Variants in SLC8A1 observed in about 807,000 individuals in gnomAD.
SLC8A1 encodes solute carrier family 8 member A1.
Under a neutral mutation model 68.3 loss-of-function variants are expected in SLC8A1, and 18 were observed. The observed-to-expected ratio is 0.26, with a 90% CI of 0.18 to 0.39. The LOEUF is 0.39. Among genes scored for constraint, SLC8A1 ranks in the 10% least tolerant of loss-of-function variants. The pLI, the probability that SLC8A1 is intolerant of heterozygous loss-of-function variation, is 1.00. For synonymous variants in SLC8A1, 475 were observed against 415.5 expected (o/e 1.14, Z -1.74); for missense variants, 985 against 1,156.7 (o/e 0.85, Z 2.15).
chr2:40,379,166 C>G (rs1202499986), intron 2 of SLC8A1, among the ~76,000 whole-genome samples: 1 of 152,076 alleles, frequency 6.6e-6, no homozygotes, highest in African/African-American at 2.4e-5. Flanking sequence ...ACTTGGAAAG[C>G]TTGTTAAAAC....
rs77132023 is a variant in SLC8A1 at position 40,326,385 on chromosome 2, T to A, written c.1808+102088A>T. On this transcript the variant is annotated intron_variant, in intron 2 of 7. Transcript: ENST00000406785. ...AGATTAGAGGAAAGATCAAAAATAG[T>A]CATAGCTTTTGAAACCACAGTGCTT... Among the ~76,000 whole-genome samples, 215 of 152,014 alleles carry A rather than the reference T, an allele frequency of 1.4e-3. 1 individual carries two copies. The highest frequency in any genetic ancestry group is 5.0e-3 in the African/African-American group (208 of 41,438).
chr2:40,427,377 G>T (rs1197122908), intron 2 of SLC8A1, among the ~76,000 whole-genome samples: 1 of 151,890 alleles, frequency 6.6e-6, no homozygotes, highest in Non-Finnish European at 1.5e-5. Flanking sequence ...AACTATTTTC[G>T]AACTGTATTT....
At chr2:40,448,158 GTAC>G (rs1701792248) in intron 1 of SLC8A1, among the ~76,000 whole-genome samples, 1 of 152,160 alleles carries the variant, frequency 6.6e-6, no homozygotes, top group African/African-American at 2.4e-5. Flanking sequence ...TGATTAATAA[GTAC>G]TACTGAGAAC....
chr2:40,357,340 T>G (rs998597506), intron 2 of SLC8A1, among the ~76,000 whole-genome samples: 1 of 151,488 alleles, frequency 6.6e-6, no homozygotes, highest in Non-Finnish European at 1.5e-5. Flanking sequence ...AAACATTTTT[T>G]TTTTTAATTA....
exon 8 of SLC8A1, chr2:40,111,956 A>G (rs1369100225): frequency 1.3e-5 from 2 of 152,190 alleles, no homozygotes; most frequent in African/African-American, 2.4e-5. Context: ...AGCAACGTAA[A>G]AAAAATCAGT....
At chr2:40,504,884 T>A (rs1706271400) in intron 1 of SLC8A1, among the ~76,000 whole-genome samples, 2 of 151,940 alleles carry the variant, frequency 1.3e-5, no homozygotes, top group African/African-American at 4.8e-5. Context: ...ACAACCACTA[T>A]GGAGAACAGT....
At chr2:40,416,422 ATAACT>A (rs756110379) in intron 2 of SLC8A1, among the ~76,000 whole-genome samples, 31 of 152,216 alleles carry the variant, frequency 2.0e-4, no homozygotes, top group Non-Finnish European at 2.8e-4. Context: ...TTTTTGGCAA[ATAACT>A]TTACTTTAAA....
intron 1 of SLC8A1, among the ~76,000 whole-genome samples, chr2:40,459,402 G>T (rs1703213519): frequency 1.3e-5 from 2 of 151,906 alleles, no homozygotes; most frequent in East Asian, 3.9e-4. Context: ...TTTCTGCCCT[G>T]TACTGAGTTT....
intron 2 of SLC8A1, among the ~76,000 whole-genome samples, chr2:40,265,212 T>C (rs951857388): frequency 2.6e-5 from 4 of 152,174 alleles, no homozygotes; most frequent in African/African-American, 9.7e-5. Context: ...TAGATCTTTA[T>C]TATTTTAGGT....
At chr2:40,282,511 C>T (rs1378779560) in intron 2 of SLC8A1, among the ~76,000 whole-genome samples, 1 of 152,102 alleles carries the variant, frequency 6.6e-6, no homozygotes, top group Non-Finnish European at 1.5e-5. Context: ...TACAGACTGC[C>T]AACTTTATTA....
chr2:40,281,180 G>A (rs2067461317), intron 2 of SLC8A1, among the ~76,000 whole-genome samples: 1 of 152,092 alleles, frequency 6.6e-6, no homozygotes, highest in African/African-American at 2.4e-5. Flanking sequence ...GTTTACCAGG[G>A]ATGGGGCAGA....
intron 1 of SLC8A1, among the ~76,000 whole-genome samples, chr2:40,458,995 A>T (rs1360530355): frequency 2.6e-5 from 4 of 152,198 alleles, no homozygotes; most frequent in Admixed American, 2.6e-4. Context: ...GTAGCCATGA[A>T]TTCATTTGTT....
At chr2:40,487,237 A>G (rs1255773781) in intron 1 of SLC8A1, among the ~76,000 whole-genome samples, 1 of 152,128 alleles carries the variant, frequency 6.6e-6, no homozygotes. Flanking sequence ...CATGTGAGGT[A>G]AAATCGGTAA....
intron 2 of SLC8A1, among the ~76,000 whole-genome samples, chr2:40,393,911 C>A (rs1203924946): frequency 6.6e-6 from 1 of 152,000 alleles, no homozygotes; most frequent in Non-Finnish European, 1.5e-5. Context: ...TGGGTTATTT[C>A]AAATACCCCA....
chr2:40,460,118 T>C (rs866851455), intron 1 of SLC8A1, among the ~76,000 whole-genome samples: 1 of 152,226 alleles, frequency 6.6e-6, no homozygotes, highest in Non-Finnish European at 1.5e-5. Flanking sequence ...ACTCATATAC[T>C]GTGCTTTTTT....
At position 40,133,088 on chromosome 2, in the gene SLC8A1, A is replaced by G. The variant is rs183799336; in HGVS notation, c.2437+6313T>C. Reference sequence around the variant, plus strand: ...TCTTGAAAAGTTTGTTTGAATTGCCATGTATCATTAGGCTGATTTTACAGG... The same window carrying G: ...TCTTGAAAAGTTTGTTTGAATTGCCGTGTATCATTAGGCTGATTTTACAGG... On this transcript the variant is annotated intron_variant, in intron 7 of 7. Coordinates refer to ENST00000406785, the Ensembl canonical transcript of SLC8A1. Among the ~76,000 whole-genome samples the G allele has an allele frequency of 1.6e-4, 25 of 152,298 alleles. No individual in the cohort carries two copies. In the East Asian group the frequency reaches 4.8e-3, roughly 29 times the overall value.
At chr2:40,280,675 A>G (rs538273379) in intron 2 of SLC8A1, among the ~76,000 whole-genome samples, 9 of 152,324 alleles carry the variant, frequency 5.9e-5, no homozygotes, top group South Asian at 2.1e-4. Flanking sequence ...TCACACATCA[A>G]TAATTAATAT....
At chr2:40,405,416 C>T (rs1165348460) in intron 2 of SLC8A1, among the ~76,000 whole-genome samples, 1 of 152,120 alleles carries the variant, frequency 6.6e-6, no homozygotes, top group Admixed American at 6.5e-5. Flanking sequence ...TGTTTCCATA[C>T]CTCAAATATG....
At chr2:40,487,074 C>T (rs1412807307) in intron 1 of SLC8A1, among the ~76,000 whole-genome samples, 1 of 152,012 alleles carries the variant, frequency 6.6e-6, no homozygotes, top group Non-Finnish European at 1.5e-5. Flanking sequence ...AATAAAGTTG[C>T]ATCGAATCCC....
Sources: gnomAD v4.1 joint callset for allele counts (sites outside exome capture counted in the v4.1 genomes callset) on GRCh38, gnomAD v4.1.1 for gene constraint, MANE v1.5 for transcripts, NCBI Gene and HGNC (gene_info 2026-07-23, HGNC 2026-07-21) for gene names.